Variants in BSN observed in about 807,000 individuals in gnomAD.
BSN encodes the protein bassoon presynaptic cytomatrix protein.
A neutral mutation model predicts 264.8 loss-of-function variants in BSN; 57 were observed. The ratio of observed to expected loss-of-function variants is 0.22; its 90% confidence interval spans 0.17 to 0.27. The LOEUF (loss-of-function observed/expected upper bound fraction) is 0.27, where lower values mean the gene tolerates loss of function less well. Among genes scored for constraint, BSN ranks in the 10% least tolerant of loss-of-function variants. The pLI is 1.00. For missense variants in BSN, 4,615 were observed against 5,232.5 expected (o/e 0.88, Z 3.64); for synonymous variants, 2,059 against 2,137.3 (o/e 0.96, Z 1.01).
chr3:49,624,317 T>TTTTTTTTTTTTTG, intron 1 of BSN, among the ~76,000 whole-genome samples: 1 of 127,788 alleles, frequency 7.8e-6, no homozygotes, highest in Non-Finnish European at 1.7e-5. Flanking sequence ...TTTTTTTTTT[T>TTTTTTTTTTTTTG]AGACAGGGTC....
chr3:49,632,664 C>T (rs1007437319), intron 2 of BSN, among the ~76,000 whole-genome samples: 4 of 151,974 alleles, frequency 2.6e-5, no homozygotes, highest in African/African-American at 7.3e-5. Flanking sequence ...ATAAGCCAGA[C>T]GTGGTGGTGG....
At position 49,657,320 on chromosome 3, in the gene BSN, C is replaced by T. The variant is rs760605049; in HGVS notation, c.7764C>T (p.Asp2588=). The change falls in exon 5 of 12, where the codon GAC becomes GAT. Residue 2588 remains aspartate, a synonymous_variant. Coordinates refer to ENST00000296452, the MANE Select transcript of BSN (RefSeq NM_003458.4). ...RRIADSSVQT[D]DEDGESRYLL... ...TTGCCGACAGCAGCGTGCAGACAGA[C>T]GATGAGGATGGGGAGAGCCGCTACC... 7 of 1,613,348 alleles carry T rather than the reference C, an allele frequency of 4.3e-6. No homozygotes were observed. The highest frequency in any genetic ancestry group is 2.2e-5 in the East Asian group (1 of 44,896).
downstream of BSN, among the ~76,000 whole-genome samples, chr3:49,673,087 CTTTTTTTTTTTTTTTT>C (rs71080543): frequency 1.9e-3 from 83 of 43,218 alleles, 5 homozygotes; most frequent in East Asian, 0.079. Context: ...CCGGCCGGGA[CTTTTTTTTTTTTTTTT>C]TTTTTTTTTT....
chr3:49,606,071 TA>T lies in BSN; in HGVS notation c.225-18899del, dbSNP rs1399068501. Reference sequence around the variant, plus strand: ...TATATATAATTATAAATATATTATATAAAAATATATAATTTTTTATATATAA... The same window carrying T: ...TATATATAATTATAAATATATTATATAAAATATATAATTTTTTATATATAA... On this transcript the variant is annotated intron_variant, in intron 1 of 11. Coordinates refer to ENST00000296452, the MANE Select transcript of BSN (RefSeq NM_003458.4). Among the ~76,000 whole-genome samples the T allele has an allele frequency of 6.7e-3, 584 of 86,802 alleles. 18 individuals are homozygous for T. The highest frequency in any genetic ancestry group is 0.026 in the African/African-American group (531 of 20,700). The allele number at this position is 86,802 out of a possible 152,430, so 56.9% of individuals were successfully genotyped here. A position where few individuals can be genotyped will look rare whatever the true frequency, so the allele number is the denominator to read the frequency against.
At position 49,585,700 on chromosome 3, in the gene BSN, CTAAT is replaced by C. The variant is rs553250680; in HGVS notation, c.224+30876_224+30879del. On this transcript the variant is annotated intron_variant, in intron 1 of 11. Coordinates refer to ENST00000296452, the MANE Select transcript of BSN (RefSeq NM_003458.4). This position sits in a 1 kb window ranked among gnomAD's most constrained non-coding sequence, Gnocchi z 4.7. ...CAAACTGTTCTTCATAGTGGTTGTA[CTAAT>C]TTACATTCCCACTAACAGTGTACAA... is the stretch of plus-strand genomic sequence containing the variant. Among the ~76,000 whole-genome samples the C allele has an allele frequency of 2.1e-3, 313 of 152,376 alleles. 2 individuals carry two copies. The highest frequency in any genetic ancestry group is 0.01 in the Admixed American group (157 of 15,310).
chr3:49,586,423 G>A (rs944706899), intron 1 of BSN, among the ~76,000 whole-genome samples: 5 of 152,022 alleles, frequency 3.3e-5, no homozygotes, highest in African/African-American at 1.2e-4. Context: ...TGCCCAGGCT[G>A]GAGTGCAATG....
At chr3:49,648,665 T>A (rs2052517521) in intron 3 of BSN, among the ~76,000 whole-genome samples, 1 of 152,126 alleles carries the variant, frequency 6.6e-6, no homozygotes, top group Non-Finnish European at 1.5e-5. Flanking sequence ...CCCAGGCACC[T>A]CTGGGGGTGC....
intron 1 of BSN, among the ~76,000 whole-genome samples, chr3:49,615,462 G>A (rs186757021): frequency 1.3e-5 from 2 of 152,270 alleles, no homozygotes; most frequent in Non-Finnish European, 2.9e-5. Context: ...TACCATCAGA[G>A]TGGGACTACA....
rs778671060 is a variant in BSN, at chr3:49,653,957, C to T, written c.4401C>T (p.Ser1467=). 13 of 1,613,980 alleles carry T rather than the reference C, an allele frequency of 8.1e-6. No individual in the cohort carries two copies. Among genetic ancestry groups the T allele is most frequent in the Admixed American group, 1.7e-5 (1 of 60,002 alleles). The part of the protein sequence containing the change: ...SDGEGGTPQP[S]RAYSYFASSS... ...GTGAGGGTGGCACTCCTCAGCCTTC[C>T]CGGGCATATTCCTACTTTGCAAGCT... The change falls in exon 5 of 12, where the codon TCC becomes TCT. Residue 1467 remains serine (S), a synonymous_variant. Transcript: ENST00000296452. The surrounding 1 kb of genome is among the most constrained non-coding windows in gnomAD (Gnocchi z 6.3).
chr3:49,664,224 T>C (rs13326722), intron 8 of BSN, among the ~76,000 whole-genome samples, 199 bp from the exon 9 acceptor site: 2,320 of 152,132 alleles, frequency 0.015, 77 homozygotes, highest in African/African-American at 0.052. Context: ...TTCTTTCCCT[T>C]CCTCAACCTC....
chr3:49,646,138 A>C (rs2052502811), intron 3 of BSN, among the ~76,000 whole-genome samples: 1 of 152,214 alleles, frequency 6.6e-6, no homozygotes, highest in Admixed American at 6.5e-5. Flanking sequence ...CACACAATAG[A>C]GGAGAGAGTA....
chr3:49,653,006 C>G lies in BSN; in HGVS notation c.3450C>G (p.Gly1150=). ...GCCCTAGCCGGCTTTACAAGTCAGG[C>G]AGTGAGTACAACCTGCCCACCTTCA... ...DGGPSRLYKS[G]SEYNLPTFMS... is the part of the protein sequence containing the mutation. The change falls in exon 5 of 12, where the codon GGC becomes GGG. Residue 1150 remains glycine (G), a synonymous_variant. Coordinates refer to ENST00000296452, the MANE Select transcript of BSN (RefSeq NM_003458.4). The surrounding 1 kb of genome is among the most constrained non-coding windows in gnomAD (Gnocchi z 6.3). 6.2e-7 allele frequency: 1 copy of G among 1,613,502 alleles called. No homozygotes were observed. Among genetic ancestry groups the G allele is most frequent in the Non-Finnish European group, 8.5e-7 (1 of 1,179,898 alleles).
chr3:49,664,487 T>C lies in BSN; in HGVS notation c.11673T>C (p.Asp3891=), dbSNP rs763881196. ...PGAPAGQPGA[D]GESVFSKILP... ...CTCCCGCCGGCCAGCCAGGTGCCGA[T>C]GGGGAGAGCGTGTTCTCCAAGATCC... The change falls in exon 9 of 12, where the codon GAT becomes GAC. Residue 3891 remains aspartate (D), a synonymous_variant. Coordinates refer to ENST00000296452, the MANE Select transcript of BSN (RefSeq NM_003458.4). 1.3e-5 allele frequency: 21 copies of C among 1,613,218 alleles called. No homozygotes were observed. The highest frequency in any genetic ancestry group is 3.3e-5 in the Admixed American group (2 of 59,948).
At position 49,653,897 on chromosome 3, in the gene BSN, A is replaced by G. The variant is rs750918339; in HGVS notation, c.4341A>G (p.Arg1447=). The G allele has an allele frequency of 2.5e-6, 4 of 1,614,114 alleles. No individual in the cohort carries two copies. The Admixed American group carries it at 6.7e-5, about 27-fold the overall frequency. Residue 1447 remains arginine (R), a synonymous_variant, in exon 5 of 12, where the codon CGA becomes CGG. Transcript: ENST00000296452. The surrounding 1 kb of genome is among the most constrained non-coding windows in gnomAD (Gnocchi z 6.3). ...QAPSGLAAAG[R]AAREKPLSAS... Reference sequence around the variant, plus strand: ...CCAGTGGCCTTGCTGCAGCTGGACGAGCTGCTAGAGAGAAGCCCTTGAGTG... The same window carrying G: ...CCAGTGGCCTTGCTGCAGCTGGACGGGCTGCTAGAGAGAAGCCCTTGAGTG...
chr3:49,655,655 A>G lies in BSN; in HGVS notation c.6099A>G (p.Leu2033=). 1 of 1,613,622 alleles carries G rather than the reference A, an allele frequency of 6.2e-7. No homozygotes were observed. Among genetic ancestry groups the G allele is most frequent in the South Asian group, 1.1e-5 (1 of 91,076 alleles). The change falls in exon 5 of 12, where the codon CTA becomes CTG. Residue 2033 remains leucine (L), a synonymous_variant. Transcript: ENST00000296452. The part of the protein sequence containing the change: ...YSLGFADGRY[L]GQGLQYGSVT... ...TGGGCTTTGCGGATGGACGCTACCT[A>G]GGGCAGGGCTTGCAGTATGGCTCAG...
At chr3:49,562,228 A>G (rs967323621) in intron 1 of BSN, among the ~76,000 whole-genome samples, 1 of 152,198 alleles carries the variant, frequency 6.6e-6, no homozygotes, top group Non-Finnish European at 1.5e-5. Context: ...GGGGATTTTT[A>G]CAGTTAGATT....
intron 1 of BSN, among the ~76,000 whole-genome samples, chr3:49,616,334 C>T (rs1187276730): frequency 2.0e-5 from 3 of 152,196 alleles, no homozygotes; most frequent in Non-Finnish European, 4.4e-5. Flanking sequence ...GAACCACTGG[C>T]GTGGCCCAGT....
chr3:49,609,329 C>G (rs2052184667), intron 1 of BSN, among the ~76,000 whole-genome samples: 1 of 151,676 alleles, frequency 6.6e-6, no homozygotes, highest in African/African-American at 2.4e-5. Flanking sequence ...TTTCAAACTC[C>G]TAGGCACAAG....
chr3:49,662,243 C>T lies in BSN; in HGVS notation c.10398C>T (p.Tyr3466=), dbSNP rs377295244. The T allele has an allele frequency of 1.2e-4, 199 of 1,613,716 alleles. No homozygotes were observed. Among genetic ancestry groups the T allele is most frequent in the Non-Finnish European group, 1.6e-4 (188 of 1,179,932 alleles). Residue 3466 remains tyrosine (Y), a synonymous_variant, in exon 6 of 12, where the codon TAC becomes TAT. Coordinates refer to ENST00000296452, the MANE Select transcript of BSN (RefSeq NM_003458.4). ...ACTTCAGTGGCTGGGGCAAGGGGTA[C>T]GAAAGGGAACGGGAGGCTGTGGAGC... ...SHDFSGWGKG[Y]EREREAVERL...
Sources: allele counts gnomAD v4.1 joint callset (sites outside exome capture counted in the v4.1 genomes callset), GRCh38; gene constraint gnomAD v4.1.1; non-coding constraint Gnocchi (gnomAD v3.1); transcripts MANE v1.5; gene names NCBI Gene and HGNC (gene_info 2026-07-23, HGNC 2026-07-21).